TNFSF4: variants seen among roughly 807,000 people sequenced by gnomAD.
The protein encoded by TNFSF4 is tumor necrosis factor ligand superfamily member 4.
In TNFSF4, 4 loss-of-function variants were observed where a neutral mutation model predicts 7.3. The observed-to-expected ratio is 0.55, with a 90% confidence interval of 0.27 to 1.25. TNFSF4 has a LOEUF of 1.25. Ranked by LOEUF, TNFSF4 falls within the 50% of genes most tolerant of loss-of-function variation. The pLI is 0.12. For missense variants in TNFSF4, 181 were observed against 208.8 expected, an observed-to-expected ratio of 0.87 and a Z score of 0.82; for synonymous variants, 76 against 83.7, an observed-to-expected ratio of 0.91 and a Z score of 0.50.
At chr1:173,195,159 C>T (rs77945296) in intron 1 of TNFSF4, among the ~76,000 whole-genome samples, 2 of 151,894 alleles carry the variant, frequency 1.3e-5, no homozygotes, top group Middle Eastern at 3.2e-3. Context: ...GTAAATAACA[C>T]CAAAAAAAAG....
At chr1:173,238,248 A>C in the TNFSF4 span, among the ~76,000 whole-genome samples, 472 of 152,326 alleles carry the variant, frequency 3.1e-3, 5 homozygotes, top group African/African-American at 1.0e-2. Context: ...CGAAAAATCA[A>C]CTCAAGATAA....
chr1:173,234,730 T>C, the TNFSF4 span, among the ~76,000 whole-genome samples: 1 of 151,830 alleles, frequency 6.6e-6, no homozygotes, highest in Non-Finnish European at 1.5e-5. Flanking sequence ...CACTCATAGG[T>C]GGGAATTGAA....
At chr1:173,395,636 C>T in the TNFSF4 span, among the ~76,000 whole-genome samples, 4 of 151,630 alleles carry the variant, frequency 2.6e-5, no homozygotes, top group African/African-American at 9.7e-5. Context: ...TGCTGAAAAT[C>T]AAAAACAGAA....
the TNFSF4 span, among the ~76,000 whole-genome samples, chr1:173,277,484 G>C: frequency 1.1e-4 from 16 of 151,708 alleles, no homozygotes; most frequent in Admixed American, 9.9e-4. Context: ...AAAAATATGA[G>C]AGGAGAAGAG....
chr1:173,348,513 C>T, the TNFSF4 span, among the ~76,000 whole-genome samples: 3 of 100,418 alleles, frequency 3.0e-5, no homozygotes, highest in Non-Finnish European at 6.2e-5. Flanking sequence ...GCTTGAAAAA[C>T]AAAAGCACAT....
the TNFSF4 span, among the ~76,000 whole-genome samples, chr1:173,251,481 G>C: frequency 2.6e-5 from 4 of 152,172 alleles, no homozygotes; most frequent in Admixed American, 2.0e-4. Flanking sequence ...CCTATTTGGT[G>C]AATAGATGAG....
the TNFSF4 span, among the ~76,000 whole-genome samples, chr1:173,315,893 T>C: frequency 0.048 from 7,299 of 152,246 alleles, 470 homozygotes; most frequent in African/African-American, 0.15. Flanking sequence ...AGAAGCTTTG[T>C]AGTTTGATGT....
the TNFSF4 span, among the ~76,000 whole-genome samples, chr1:173,325,108 T>A: frequency 6.6e-6 from 1 of 152,132 alleles, no homozygotes; most frequent in Non-Finnish European, 1.5e-5. Flanking sequence ...GACCACATAC[T>A]TGGAAGTAAA....
chr1:173,429,649 C>T, the TNFSF4 span, among the ~76,000 whole-genome samples: 4 of 152,202 alleles, frequency 2.6e-5, no homozygotes, highest in African/African-American at 9.6e-5. Context: ...AATGGCAGCA[C>T]CCAGCACTGT....
chr1:173,298,932 T>G, the TNFSF4 span, among the ~76,000 whole-genome samples: 2 of 151,906 alleles, frequency 1.3e-5, no homozygotes, highest in Non-Finnish European at 2.9e-5. Flanking sequence ...CATACAGAAA[T>G]TTAGTAGCTA....
chr1:173,325,707 A>G, the TNFSF4 span, among the ~76,000 whole-genome samples: 1 of 152,246 alleles, frequency 6.6e-6, no homozygotes, highest in Non-Finnish European at 1.5e-5. Flanking sequence ...CCACAGAAAT[A>G]CAAACTACCA....
In TNFSF4 at chr1:173,185,307, A is replaced by C. The variant is rs1170662258; in HGVS notation, c.*1209T>G. On this transcript the variant is annotated 3_prime_UTR_variant, in exon 3 of 3. Transcript: ENST00000281834. ...AGATTGTCCACAGCGCCATAAGCAT[A>C]ACACATTATATCAAGTTAAGGGGAC... 6.6e-6 allele frequency: 1 copy of C among 152,232 alleles called. No individual in the cohort carries two copies. Among genetic ancestry groups the C allele is most frequent in the African/African-American group, 2.4e-5 (1 of 41,468 alleles). The allele number at this position is 152,232 out of a possible 1,614,324, so 9.4% of individuals were successfully genotyped here. A position where few individuals can be genotyped will look rare whatever the true frequency, so the allele number is the denominator to read the frequency against.
intron 1 of TNFSF4, among the ~76,000 whole-genome samples, chr1:173,190,266 A>G (rs776540549): frequency 9.9e-5 from 15 of 152,176 alleles, no homozygotes; most frequent in Non-Finnish European, 2.1e-4. Context: ...TTATTTTGGC[A>G]TGACGTCCTA....
chr1:173,262,544 CTGTT>C, the TNFSF4 span, among the ~76,000 whole-genome samples: 1 of 150,466 alleles, frequency 6.6e-6, no homozygotes, highest in African/African-American at 2.4e-5. Context: ...CAAATTGTCT[CTGTT>C]TGCAGATGAC....
At chr1:173,434,923 A>G in the TNFSF4 span, among the ~76,000 whole-genome samples, 1 of 152,220 alleles carries the variant, frequency 6.6e-6, no homozygotes. Flanking sequence ...CTGAAGAAAG[A>G]AAGAGGATCA....
In TNFSF4 at chr1:173,186,812, T is replaced by G. The variant is rs779666746; in HGVS notation, c.256A>C (p.Met86Leu). The change falls in exon 3 of 3, where the codon ATG (methionine) becomes CTG (leucine). Residue 86 changes from methionine to leucine, a missense_variant. Physicochemically the swap from Met to Leu is conservative, Grantham distance 15. Coordinates refer to ENST00000281834, the MANE Select transcript of TNFSF4 (RefSeq NM_003326.5). ...ILTSQKEDEI[M>L]KVQNNSVIIN... ...ATGACTGAGTTGTTCTGCACCTTCA[T>G]GATTTCATCCTCCTTTTGGGAAGTG... The G allele has an allele frequency of 6.2e-6, 10 of 1,612,316 alleles. No individual in the cohort carries two copies. The highest frequency in any genetic ancestry group is 1.1e-5 in the South Asian group (1 of 90,692).
At chr1:173,176,124 G>A in the TNFSF4 span, among the ~76,000 whole-genome samples, 1 of 152,218 alleles carries the variant, frequency 6.6e-6, no homozygotes, top group East Asian at 1.9e-4. Flanking sequence ...ATTAGTAGTG[G>A]TGTAATTGCT....
the TNFSF4 span, among the ~76,000 whole-genome samples, chr1:173,225,233 A>T: frequency 2.0e-5 from 3 of 152,186 alleles, no homozygotes; most frequent in African/African-American, 7.2e-5. Flanking sequence ...AAGAGGAATT[A>T]CCCAGGAGAA....
chr1:173,396,531 G>C, the TNFSF4 span, among the ~76,000 whole-genome samples: 1 of 152,048 alleles, frequency 6.6e-6, no homozygotes, highest in African/African-American at 2.4e-5. Flanking sequence ...ATACGGTTTG[G>C]GCAAATGGTG....
Sources: allele counts gnomAD v4.1 joint callset (sites outside exome capture counted in the v4.1 genomes callset), GRCh38; gene constraint gnomAD v4.1.1; transcripts MANE v1.5; gene names NCBI Gene and HGNC (gene_info 2026-07-23, HGNC 2026-07-21).